PRKN: variants seen among roughly 807,000 people sequenced by gnomAD.
PRKN encodes parkin RBR E3 ubiquitin protein ligase, also known as E3 ubiquitin-protein ligase parkin.
A neutral mutation model predicts 59.5 loss-of-function variants in PRKN; 56 were observed. The observed-to-expected ratio is 0.94, with a 90% confidence interval of 0.76 to 1.18. The LOEUF is 1.18. PRKN is among the 50% of genes most tolerant of loss of function. PRKN has a pLI of 0.00. For synonymous variants in PRKN, 250 were observed against 222.1 expected (o/e 1.13, Z -1.12); for missense variants, 657 against 596.4 (o/e 1.10, Z -1.06).
rs2064418 is a variant in PRKN at position 161,552,894 on chromosome 6, G to A, written c.934-3891C>T. On this transcript the variant is annotated intron_variant, in intron 8 of 11. Coordinates refer to ENST00000366898, the MANE Select transcript of PRKN (RefSeq NM_004562.3). This position sits in a 1 kb window ranked among gnomAD's most constrained non-coding sequence, Gnocchi z 4.9. The stretch of plus-strand genomic sequence containing the variant: ...CAACCTTCATCTCTTGGGTTCAAGC[G>A]ATTCTCCTGCCTCAGCCTCCCGAGT... Among the ~76,000 whole-genome samples the A allele has an allele frequency of 0.41, 60,998 of 150,446 alleles. 12,542 individuals carry two copies. The highest frequency in any genetic ancestry group is 0.66 in the East Asian group (3,339 of 5,030).
At chr6:161,824,814 T>A (rs1170793910) in intron 6 of PRKN, among the ~76,000 whole-genome samples, 2 of 152,232 alleles carry the variant, frequency 1.3e-5, no homozygotes, top group African/African-American at 4.8e-5. Context: ...TGACATGATA[T>A]ACTAACATTG....
At chr6:162,413,059 T>C (rs1395591940) in intron 2 of PRKN, among the ~76,000 whole-genome samples, 2 of 152,198 alleles carry the variant, frequency 1.3e-5, no homozygotes, top group Non-Finnish European at 2.9e-5. Context: ...ATGTTTCATT[T>C]CTTAAGCAAA....
intron 1 of PRKN, among the ~76,000 whole-genome samples, chr6:162,457,525 A>G (rs982647360): frequency 2.6e-5 from 4 of 152,174 alleles, no homozygotes; most frequent in Admixed American, 1.3e-4. Flanking sequence ...GTGTTTTATA[A>G]TACATATGAG....
At chr6:162,095,805 G>C (rs2128297482) in intron 4 of PRKN, among the ~76,000 whole-genome samples, 2 of 152,256 alleles carry the variant, frequency 1.3e-5, no homozygotes, top group Middle Eastern at 6.8e-3. Flanking sequence ...CTTGTATCCT[G>C]CATAGCTTTG....
At chr6:162,278,163 T>A (rs564217943) in intron 2 of PRKN, among the ~76,000 whole-genome samples, 1 of 152,146 alleles carries the variant, frequency 6.6e-6, no homozygotes, top group Non-Finnish European at 1.5e-5. Context: ...AAAGAACCAA[T>A]TTGAAAAGGC....
intron 2 of PRKN, chr6:162,264,738 C>G (rs1162201649): frequency 2.6e-5 from 4 of 152,238 alleles, no homozygotes; most frequent in African/African-American, 4.8e-5. Flanking sequence ...TGCATGACTT[C>G]CCAGTTTCTG....
chr6:162,695,552 C>T (rs1275081458), intron 1 of PRKN, among the ~76,000 whole-genome samples: 1 of 152,066 alleles, frequency 6.6e-6, no homozygotes, highest in Non-Finnish European at 1.5e-5. Flanking sequence ...CTATCAATTT[C>T]TATCATTTTC....
At chr6:162,120,526 C>G (rs943867724) in intron 4 of PRKN, among the ~76,000 whole-genome samples, 8 of 152,156 alleles carry the variant, frequency 5.3e-5, no homozygotes, top group African/African-American at 1.9e-4. Context: ...AACTAAAACT[C>G]CATGTTGGTC....
chr6:161,751,496 TTTAA>T (rs1788693444), intron 7 of PRKN, among the ~76,000 whole-genome samples: 1 of 152,356 alleles, frequency 6.6e-6, no homozygotes, highest in East Asian at 1.9e-4. Context: ...CACACTGATA[TTTAA>T]GTTGTAAAAT....
chr6:161,509,751 G>A (rs544848511), intron 9 of PRKN, among the ~76,000 whole-genome samples: 37 of 151,682 alleles, frequency 2.4e-4, no homozygotes, highest in East Asian at 7.8e-4. Flanking sequence ...GTGGTGGTGC[G>A]CGCCTGTAAT....
Position 161,748,354 on chromosome 6 carries a change from T to A in PRKN, c.871+37418A>T, listed in dbSNP as rs1364114874. The stretch of plus-strand genomic sequence containing the variant: ...GCTGATCCCGAATCACTCTCTTACG[T>A]TTTTTTTTTGTCTGTGTACCACAAA... On this transcript the variant is annotated intron_variant, in intron 7 of 11. Transcript: ENST00000366898. 2.5e-3 allele frequency among the ~76,000 whole-genome samples: 342 copies of A among 135,880 alleles called. 1 individual carries two copies. Among genetic ancestry groups the A allele is most frequent in the African/African-American group, 9.2e-3 (313 of 34,106 alleles). 89.1% of individuals were successfully genotyped at this position (135,880 alleles called of 152,430 possible).
At chr6:162,218,102 C>T (rs1777772254) in intron 3 of PRKN, among the ~76,000 whole-genome samples, 1 of 152,118 alleles carries the variant, frequency 6.6e-6, no homozygotes, top group Non-Finnish European at 1.5e-5. Context: ...CAGCCACAGC[C>T]CTCCAGAGGA....
chr6:161,550,769 T>A lies in PRKN; in HGVS notation c.934-1766A>T, dbSNP rs940084911. Among the ~76,000 whole-genome samples, 4 of 104,158 alleles carry A rather than the reference T, an allele frequency of 3.8e-5. No individual in the cohort carries two copies. Among genetic ancestry groups the A allele is most frequent in the African/African-American group, 1.4e-4 (4 of 28,428 alleles). The allele number at this position is 104,158 out of a possible 152,430, so 68.3% of individuals were successfully genotyped here. ...TGTGTGTGTGTGTGTGTGTAGGGAG[T>A]TGAGGCATGAAATAATTATTTCTAT... On this transcript the variant is annotated intron_variant, in intron 8 of 11. Transcript: ENST00000366898. The surrounding 1 kb of genome is among the most constrained non-coding windows in gnomAD (Gnocchi z 4.0).
At chr6:162,557,476 G>C (rs1458731794) in intron 1 of PRKN, among the ~76,000 whole-genome samples, 2 of 152,026 alleles carry the variant, frequency 1.3e-5, no homozygotes, top group African/African-American at 2.4e-5. Context: ...ACCATAAAAG[G>C]CACTGAATGA....
rs528905071 is a variant in PRKN at position 161,954,009 on chromosome 6, G to A, written c.734+19293C>T. Among the ~76,000 whole-genome samples, 36 of 152,196 alleles carry A rather than the reference G, an allele frequency of 2.4e-4. No individual in the cohort carries two copies. The South Asian group carries it at 6.2e-3, about 26-fold the overall frequency. ...AGTCTTGGTGACTTACGTGAGGACT[G>A]GGACACTAATAGTATCTACCTCCCA... On this transcript the variant is annotated intron_variant, in intron 6 of 11. Coordinates refer to ENST00000366898, the MANE Select transcript of PRKN (RefSeq NM_004562.3).
chr6:162,027,199 C>G (rs1333554522), intron 5 of PRKN, among the ~76,000 whole-genome samples: 2 of 152,140 alleles, frequency 1.3e-5, no homozygotes, highest in Non-Finnish European at 2.9e-5. Context: ...CTTTCTATAT[C>G]AAGAAATTGA....
At chr6:162,680,623 CA>C (rs1356655216) in intron 1 of PRKN, among the ~76,000 whole-genome samples, 2 of 151,948 alleles carry the variant, frequency 1.3e-5, no homozygotes, top group Admixed American at 1.3e-4. Context: ...TCACTTAATG[CA>C]AAAGATAAGA....
At chr6:162,684,116 T>C (rs117635157) in intron 1 of PRKN, among the ~76,000 whole-genome samples, 2,674 of 152,264 alleles carry the variant, frequency 0.018, 50 homozygotes, top group Non-Finnish European at 0.026. Context: ...CTCATCATTG[T>C]ACGAAGATGT....
intron 2 of PRKN, among the ~76,000 whole-genome samples, chr6:162,344,019 C>T (rs538650880): frequency 6.6e-6 from 1 of 152,240 alleles, no homozygotes; most frequent in South Asian, 2.1e-4. Context: ...CAGAGCTATG[C>T]GGAAAAGAAT....
Sources: gnomAD v4.1 joint callset for allele counts (sites outside exome capture counted in the v4.1 genomes callset) on GRCh38, gnomAD v4.1.1 for gene constraint, Gnocchi (gnomAD v3.1) non-coding constraint, MANE v1.5 for transcripts, NCBI Gene and HGNC (gene_info 2026-07-23, HGNC 2026-07-21) for gene names.